Variants in CHRNB3 observed in about 807,000 individuals in gnomAD.
CHRNB3 encodes cholinergic receptor nicotinic beta 3 subunit.
CHRNB3 carries 37 observed loss-of-function variants against 40.6 expected under a neutral mutation model. The observed-to-expected ratio is 0.91, with a 90% CI of 0.70 to 1.20. CHRNB3 has a LOEUF of 1.20. CHRNB3 is among the 50% of genes most tolerant of loss of function. CHRNB3 has a pLI of 0.00. For synonymous variants in CHRNB3, 207 were observed against 207.1 expected (o/e 1.00, Z 0.00); for missense variants, 505 against 551.2 (o/e 0.92, Z 0.84).
intron 3 of CHRNB3, among the ~76,000 whole-genome samples, chr8:42,716,734 C>A (rs966066161): frequency 6.6e-6 from 1 of 151,994 alleles, no homozygotes; most frequent in Non-Finnish European, 1.5e-5. Flanking sequence ...CCGCCTCTGC[C>A]CGACCCTGTT....
intron 3 of CHRNB3, among the ~76,000 whole-genome samples, chr8:42,722,320 G>A (rs1415002937): frequency 2.6e-5 from 4 of 151,644 alleles, no homozygotes; most frequent in Middle Eastern, 3.2e-3. Flanking sequence ...AGCAGAGATC[G>A]CGCCACTGCA....
rs995487806 is a variant in CHRNB3, at chr8:42,726,054, A to T, written c.250-4540A>T. On this transcript the variant is annotated intron_variant, in intron 3 of 5. Transcript: ENST00000289957. Reference sequence around the variant, plus strand: ...ACCTTGTCACGTTTCTGTCACCAGGAATCTTGTAGGAATGATTCCAGTTGT... The same window carrying T: ...ACCTTGTCACGTTTCTGTCACCAGGTATCTTGTAGGAATGATTCCAGTTGT... 9.5e-6 allele frequency: 9 copies of T among 950,600 alleles called. No homozygotes were observed. In the African/African-American group the frequency reaches 9.7e-5, roughly 10 times the overall value. 58.9% of individuals were successfully genotyped at this position (950,600 alleles called of 1,614,324 possible).
intron 1 of CHRNB3, among the ~76,000 whole-genome samples, chr8:42,701,242 AAAAG>A (rs1815791522): frequency 6.6e-6 from 1 of 150,636 alleles, no homozygotes; most frequent in South Asian, 2.1e-4. Context: ...AAAAAAAAAA[AAAAG>A]AATAAAGAGA....
chr8:42,726,688 C>A (rs1391331222), intron 3 of CHRNB3, among the ~76,000 whole-genome samples: 1 of 152,022 alleles, frequency 6.6e-6, no homozygotes, highest in Non-Finnish European at 1.5e-5. Context: ...CAGGGTTTCA[C>A]CATGTTGGCC....
chr8:42,714,247 G>C (rs913973904), intron 3 of CHRNB3, among the ~76,000 whole-genome samples: 3 of 152,114 alleles, frequency 2.0e-5, no homozygotes, highest in African/African-American at 7.2e-5. Context: ...TGTAATCCCA[G>C]CACTTTGGGA....
intron 3 of CHRNB3, among the ~76,000 whole-genome samples, chr8:42,723,300 A>G (rs1487411394): frequency 1.3e-5 from 2 of 152,076 alleles, no homozygotes; most frequent in African/African-American, 4.8e-5. Flanking sequence ...GTGTTTTGCT[A>G]TTAAGGCCAA....
intron 4 of CHRNB3, 59 bp downstream of exon 4, chr8:42,730,762 A>T (rs1816397637): frequency 8.3e-7 from 1 of 1,209,238 alleles, no homozygotes; most frequent in Non-Finnish European, 1.2e-6. Flanking sequence ...AAAAAGTGAA[A>T]AAAAGGCTGG....
In CHRNB3 at chr8:42,706,751, T is replaced by C. The variant is rs559047861; in HGVS notation, c.53-1966T>C. ...GTACTAATAGTAATCAACAGATCAG[T>C]TTTTGTTTATTAAAAAAAATTTTTT... is the stretch of plus-strand genomic sequence containing the variant. On this transcript the variant is annotated intron_variant, in intron 1 of 5. Transcript: ENST00000289957. Among the ~76,000 whole-genome samples, 20 of 151,938 alleles carry C rather than the reference T, an allele frequency of 1.3e-4. 1 individual carries two copies. The highest frequency in any genetic ancestry group is 4.6e-4 in the African/African-American group (19 of 41,442).
chr8:42,701,814 T>C (rs1815810275), intron 1 of CHRNB3, among the ~76,000 whole-genome samples: 2 of 152,218 alleles, frequency 1.3e-5, no homozygotes, highest in Admixed American at 6.5e-5. Flanking sequence ...CTGACAGTCT[T>C]TTGTATCTTG....
At chr8:42,735,151 C>G (rs1191853293) in intron 5 of CHRNB3, among the ~76,000 whole-genome samples, 1 of 151,474 alleles carries the variant, frequency 6.6e-6, no homozygotes, top group Non-Finnish European at 1.5e-5. Context: ...ACCCGGGAGA[C>G]GGAGCTTGCA....
chr8:42,698,751 C>T (rs943775042), intron 1 of CHRNB3, among the ~76,000 whole-genome samples: 4 of 152,150 alleles, frequency 2.6e-5, no homozygotes, highest in Admixed American at 6.6e-5. Context: ...CATTAATGTA[C>T]GTGTGTCTGA....
rs571866284 is a variant in CHRNB3 at position 42,729,158 on chromosome 8, A to G, written c.250-1436A>G. Among the ~76,000 whole-genome samples, 8 of 152,198 alleles carry G rather than the reference A, an allele frequency of 5.3e-5. No homozygotes were observed. The South Asian group carries it at 1.2e-3, about 24-fold the overall frequency. ...CACGGTGGCTCACACCTGTAATCCC[A>G]GCACTTTGGGAGGCCGAGGCGGGCA... On this transcript the variant is annotated intron_variant, in intron 3 of 5. Transcript: ENST00000289957.
intron 5 of CHRNB3, 89 bp downstream of exon 5, chr8:42,732,638 T>C: frequency 7.9e-7 from 1 of 1,259,142 alleles, no homozygotes; most frequent in South Asian, 1.6e-5. Context: ...AATATTGTCA[T>C]GGTTTAAATG....
intron 1 of CHRNB3, among the ~76,000 whole-genome samples, chr8:42,707,487 T>C (rs1411876785): frequency 6.6e-6 from 1 of 152,178 alleles, no homozygotes; most frequent in East Asian, 1.9e-4. Flanking sequence ...TGCTGATCAG[T>C]AATGGGACTG....
intron 4 of CHRNB3, among the ~76,000 whole-genome samples, chr8:42,731,041 C>T (rs1011443052): frequency 7.9e-6 from 1 of 126,564 alleles, no homozygotes; most frequent in East Asian, 2.1e-4. Context: ...GGCGACAGAG[C>T]GAGACTCCGT....
rs770029995 is a variant in CHRNB3 at position 42,736,589 on chromosome 8, T to G, written c.1348T>G (p.Leu450Val). ...TGSVLIFTPA[L>V]KMWLHSYH ...CTCGGTTCTGATTTTTACCCCTGCTTTGAAGATGTGGCTACATAGTTACCA... is the reference window on the plus strand; with the variant it reads ...CTCGGTTCTGATTTTTACCCCTGCTGTGAAGATGTGGCTACATAGTTACCA... Residue 450 changes from leucine to valine, a missense_variant, in exon 6 of 6, where the codon TTG becomes GTG. Coordinates refer to ENST00000289957, the MANE Select transcript of CHRNB3 (RefSeq NM_000749.5). 12 of 1,614,206 alleles carry G rather than the reference T, an allele frequency of 7.4e-6. 1 individual carries two copies. The South Asian group carries it at 1.3e-4, about 18-fold the overall frequency.
Position 42,710,281 on chromosome 8 carries a change from G to A in CHRNB3, c.205-109G>A, listed in dbSNP as rs1815992564. 4 of 813,540 alleles carry A rather than the reference G, an allele frequency of 4.9e-6. No homozygotes were observed. In the South Asian group the frequency reaches 6.0e-5, roughly 12 times the overall value. The allele number at this position is 813,540 out of a possible 1,614,324, so 50.4% of individuals were successfully genotyped here. ...TGCAGTGAGCTATGGTGGCACCACT[G>A]CACTCCAGCCTGGGCAACATCTTGA... On this transcript the variant is annotated intron_variant, in intron 2 of 5. Transcript: ENST00000289957.
chr8:42,726,008 A>G, intron 3 of CHRNB3: 1 of 1,133,112 alleles, frequency 8.8e-7, no homozygotes, highest in Non-Finnish European at 1.3e-6. Context: ...GTGTGGTTTC[A>G]CTTCTAGTCG....
At chr8:42,709,333 T>C (rs1307984538) in intron 2 of CHRNB3, among the ~76,000 whole-genome samples, 1 of 151,720 alleles carries the variant, frequency 6.6e-6, no homozygotes, top group Non-Finnish European at 1.5e-5. Context: ...CCGTCACCTC[T>C]TCTGAACTCA....
Sources: gnomAD v4.1 joint callset for allele counts (sites outside exome capture counted in the v4.1 genomes callset) on GRCh38, gnomAD v4.1.1 for gene constraint, MANE v1.5 for transcripts, NCBI Gene and HGNC (gene_info 2026-07-23, HGNC 2026-07-21) for gene names.